Variants in GULP1 observed in about 807,000 individuals in gnomAD.
GULP1 encodes the protein GULP PTB domain containing engulfment adaptor 1, also known as PTB domain-containing engulfment adapter protein 1.
In GULP1, 19 loss-of-function variants were observed where a neutral mutation model predicts 40.9. The observed-to-expected ratio is 0.46, with a 90% CI of 0.32 to 0.68. The LOEUF (loss-of-function observed/expected upper bound fraction) is 0.68. GULP1 is among the 30% of genes least tolerant of loss of function. The probability of loss-of-function intolerance (pLI) is 0.03; values close to 1 mark genes in which losing one functional copy is unlikely to be tolerated. For synonymous variants in GULP1, 119 were observed against 117.6 expected (o/e 1.01, Z -0.08); for missense variants, 312 against 362.2 (o/e 0.86, Z 1.12).
chr2:188,416,334 C>T (rs956682743), intron 2 of GULP1, among the ~76,000 whole-genome samples: 1 of 152,078 alleles, frequency 6.6e-6, no homozygotes, highest in Non-Finnish European at 1.5e-5. Context: ...GTGATAGTTA[C>T]ACGACTTTGT....
chr2:188,295,831 A>C (rs1448166092), intron 1 of GULP1, among the ~76,000 whole-genome samples: 1 of 152,014 alleles, frequency 6.6e-6, no homozygotes, highest in Non-Finnish European at 1.5e-5. Context: ...CTGTTTGAGG[A>C]TATATTAGGG....
intron 1 of GULP1, among the ~76,000 whole-genome samples, chr2:188,307,080 A>G (rs2037216923): frequency 6.6e-6 from 1 of 152,210 alleles, no homozygotes; most frequent in African/African-American, 2.4e-5. Flanking sequence ...AAGCAGAATT[A>G]TTGAAGGAAA....
At chr2:188,384,057 T>C (rs1164577655) in intron 2 of GULP1, among the ~76,000 whole-genome samples, 168 bp downstream of exon 2, 2 of 152,332 alleles carry the variant, frequency 1.3e-5, no homozygotes, top group East Asian at 3.9e-4. Flanking sequence ...TGAGCCTTTT[T>C]TCTGAAAATA....
Position 188,457,523 on chromosome 2 carries a change from A to G in GULP1, c.-44-20136A>G, listed in dbSNP as rs562220795. Among the ~76,000 whole-genome samples the G allele has an allele frequency of 2.6e-5, 4 of 152,322 alleles. No individual in the cohort carries two copies. In the East Asian group the frequency reaches 7.7e-4, roughly 29 times the overall value. On this transcript the variant is annotated intron_variant, in intron 2 of 11. Coordinates refer to ENST00000409830, the MANE Select transcript of GULP1 (RefSeq NM_016315.4). ...TGTGAGGCCTCCCCAGCCACGTGGA[A>G]CTGTGAATCCAGTTAAACCTCTTTC...
intron 2 of GULP1, among the ~76,000 whole-genome samples, chr2:188,417,956 AT>A (rs200610901): frequency 8.6e-5 from 13 of 150,714 alleles, no homozygotes; most frequent in East Asian, 3.9e-4. Flanking sequence ...CACACAGCTG[AT>A]TTTTTTTTGT....
intron 1 of GULP1, among the ~76,000 whole-genome samples, chr2:188,357,489 T>C (rs1419422500): frequency 2.0e-5 from 3 of 152,106 alleles, no homozygotes; most frequent in African/African-American, 4.8e-5. Context: ...ATATCAAAAC[T>C]ATGATGAGAT....
intron 2 of GULP1, among the ~76,000 whole-genome samples, chr2:188,393,212 T>A (rs1156673269): frequency 1.3e-5 from 2 of 152,010 alleles, no homozygotes; most frequent in Admixed American, 1.3e-4. Flanking sequence ...TTGCTACCCA[T>A]CTCATTTCTT....
intron 4 of GULP1, among the ~76,000 whole-genome samples, chr2:188,506,429 T>G (rs2153182342): frequency 6.6e-6 from 1 of 152,104 alleles, no homozygotes; most frequent in Middle Eastern, 3.4e-3. Context: ...ATGGAGCAAT[T>G]TAATTTTAGA....
chr2:188,391,986 T>C (rs967517606), intron 2 of GULP1, among the ~76,000 whole-genome samples: 2 of 152,098 alleles, frequency 1.3e-5, no homozygotes, highest in Admixed American at 1.3e-4. Context: ...TATTATTTTT[T>C]TGATGTGCTG....
intron 5 of GULP1, among the ~76,000 whole-genome samples, chr2:188,523,386 A>G (rs1274820242): frequency 6.6e-6 from 1 of 152,204 alleles, no homozygotes; most frequent in Non-Finnish European, 1.5e-5. Context: ...AACCCCACAT[A>G]TCCTAGTCAA....
At chr2:188,508,983 C>T (rs2064219091) in intron 4 of GULP1, among the ~76,000 whole-genome samples, 1 of 151,944 alleles carries the variant, frequency 6.6e-6, no homozygotes, top group South Asian at 2.1e-4. Context: ...AATTCATAGA[C>T]CTAGCAAGCA....
At chr2:188,312,277 T>C (rs538293137) in intron 1 of GULP1, among the ~76,000 whole-genome samples, 1 of 152,258 alleles carries the variant, frequency 6.6e-6, no homozygotes, top group African/African-American at 2.4e-5. Flanking sequence ...TTGCTGCACC[T>C]ATTGACCTAT....
At position 188,541,208 on chromosome 2, in the gene GULP1, A is replaced by G. The variant is rs1214683641; in HGVS notation, c.289A>G (p.Arg97Gly). ...KEVQHNCQLH[R>G]ISFCADDKTD... ...AGTTCAACACAATTGCCAGCTTCATAGAATATCTTTTTGTGCAGATGATAA... is the reference window on the plus strand; with the variant it reads ...AGTTCAACACAATTGCCAGCTTCATGGAATATCTTTTTGTGCAGATGATAA... The change falls in exon 7 of 12, where the codon AGA (arginine) becomes GGA (glycine). Residue 97 changes from arginine (R) to glycine (G), a missense_variant. Coordinates refer to ENST00000409830, the MANE Select transcript of GULP1 (RefSeq NM_016315.4). 1.6e-5 allele frequency: 26 copies of G among 1,612,668 alleles called. No individual in the cohort carries two copies. The highest frequency in any genetic ancestry group is 2.1e-5 in the Non-Finnish European group (25 of 1,178,854).
chr2:188,405,893 G>C (rs887739187), intron 2 of GULP1, among the ~76,000 whole-genome samples: 1 of 152,156 alleles, frequency 6.6e-6, no homozygotes, highest in Admixed American at 6.5e-5. Context: ...ATGCCACAAG[G>C]TTAAGAACAG....
chr2:188,370,473 A>G (rs1195822751), intron 1 of GULP1, among the ~76,000 whole-genome samples: 3 of 152,112 alleles, frequency 2.0e-5, no homozygotes, highest in Non-Finnish European at 2.9e-5. Context: ...CTCATTGCAT[A>G]TTTTATTTAT....
At chr2:188,397,121 CTTG>C (rs202201170) in intron 2 of GULP1, among the ~76,000 whole-genome samples, 1,854 of 152,276 alleles carry the variant, frequency 0.012, 15 homozygotes, top group East Asian at 0.022. Context: ...TTTCAGTTTT[CTTG>C]TTAAGTTTCT....
At position 188,501,384 on chromosome 2, in the gene GULP1, C is replaced by A. The variant is rs139268510; in HGVS notation, c.90+17892C>A. Among the ~76,000 whole-genome samples the A allele has an allele frequency of 3.8e-3, 580 of 152,070 alleles. 5 individuals carry two copies. The highest frequency in any genetic ancestry group is 0.013 in the African/African-American group (546 of 41,522). On this transcript the variant is annotated intron_variant, in intron 4 of 11. Transcript: ENST00000409830. ...TGCCATGATTGTAAGTATCCTGAGG[C>A]CTTCCCATCACGTGGAACTGTGAGT...
At chr2:188,457,842 A>T (rs941640547) in intron 2 of GULP1, among the ~76,000 whole-genome samples, 1 of 152,184 alleles carries the variant, frequency 6.6e-6, no homozygotes, top group African/African-American at 2.4e-5. Context: ...GCATTCCCTC[A>T]TACAACCATG....
At chr2:188,393,144 C>G (rs1285906402) in intron 2 of GULP1, among the ~76,000 whole-genome samples, 1 of 150,770 alleles carries the variant, frequency 6.6e-6, no homozygotes, top group Non-Finnish European at 1.5e-5. Flanking sequence ...GTCTTTCTGT[C>G]TTGATGATTT....
Sources: allele counts gnomAD v4.1 joint callset (sites outside exome capture counted in the v4.1 genomes callset), GRCh38; gene constraint gnomAD v4.1.1; transcripts MANE v1.5; gene names NCBI Gene and HGNC (gene_info 2026-07-23, HGNC 2026-07-21).